Variants in LHFPL5 observed in about 807,000 individuals in gnomAD.
The protein encoded by LHFPL5 is LHFPL tetraspan subfamily member 5 protein.
A neutral mutation model predicts 18.7 loss-of-function variants in LHFPL5; 12 were observed. The observed-to-expected ratio is 0.64, with a 90% CI of 0.41 to 1.04. The LOEUF is 1.04. Ranked by LOEUF, LHFPL5 falls within the 50% of genes least tolerant of loss-of-function variation. LHFPL5 has a pLI of 0.00. For missense variants in LHFPL5, 259 were observed against 292.1 expected (o/e 0.89, Z 0.83); for synonymous variants, 111 against 120.2 (o/e 0.92, Z 0.50).
rs1007579426 is a variant in LHFPL5 at position 35,814,678 on chromosome 6, C to T, written c.545C>T (p.Ala182Val). 6.2e-7 allele frequency: 1 copy of T among 1,614,050 alleles called. No homozygotes were observed. Among genetic ancestry groups the T allele is most frequent in the African/African-American group, 1.3e-5 (1 of 74,918 alleles). ...HCTIRWAFML[A>V]ILSIGDALIL... is the part of the protein sequence containing the mutation. ...ACCATCCGCTGGGCCTTCATGCTGGCCATCCTCAGCATTGGCGACGCCCTC... is the reference window on the plus strand; with the variant it reads ...ACCATCCGCTGGGCCTTCATGCTGGTCATCCTCAGCATTGGCGACGCCCTC... Residue 182 changes from alanine (A) to valine (V), a missense_variant, in exon 2 of 4, where the codon GCC (alanine) becomes GTC (valine). Coordinates refer to ENST00000360215, the MANE Select transcript of LHFPL5 (RefSeq NM_182548.4). This position sits in a 1 kb window ranked among gnomAD's most constrained non-coding sequence, Gnocchi z 4.2.
At position 35,814,239 on chromosome 6, in the gene LHFPL5, GTGAGGAGAATGGC is replaced by G. The variant is rs1405828338; in HGVS notation, c.413-303_413-291del. On this transcript the variant is annotated intron_variant, in intron 1 of 3. Transcript: ENST00000360215. The surrounding 1 kb of genome is among the most constrained non-coding windows in gnomAD (Gnocchi z 4.2). Reference sequence around the variant, plus strand: ...TAGGTGGTGCCTGGTTGAGTCCAAGGTGAGGAGAATGGCTGAAGGCCTGGGAGGACCACCTGGT... The same window carrying G: ...TAGGTGGTGCCTGGTTGAGTCCAAGGTGAAGGCCTGGGAGGACCACCTGGT... 6.6e-6 allele frequency among the ~76,000 whole-genome samples: 1 copy of G among 152,192 alleles called. No individual in the cohort carries two copies. Among genetic ancestry groups the G allele is most frequent in the Non-Finnish European group, 1.5e-5 (1 of 68,040 alleles).
chr6:35,823,475 A>ACTCTCTCTCTCT lies in LHFPL5; in HGVS notation c.*511_*512insTCTCTCTCTCTC, dbSNP rs774401637. 13 of 141,674 alleles carry ACTCTCTCTCTCT rather than the reference A, an allele frequency of 9.2e-5. 1 individual carries two copies. Among genetic ancestry groups the ACTCTCTCTCTCT allele is most frequent in the Middle Eastern group, 3.5e-3 (1 of 288 alleles). The allele number at this position is 141,674 out of a possible 1,614,324, so 8.8% of individuals were successfully genotyped here. On this transcript the variant is annotated 3_prime_UTR_variant, in exon 4 of 4. Transcript: ENST00000360215. Reference sequence around the variant, plus strand: ...CACACACACACACACACACACACACACACTCTCTCTCTCTCTCAAACACAC... The same window carrying ACTCTCTCTCTCT: ...CACACACACACACACACACACACACACTCTCTCTCTCTCACTCTCTCTCTCTCTCAAACACAC...
chr6:35,810,761 A>G (rs1016983967), intron 1 of LHFPL5, among the ~76,000 whole-genome samples: 10 of 149,974 alleles, frequency 6.7e-5, no homozygotes, highest in Non-Finnish European at 1.3e-4. Context: ...CAGGAGGCAG[A>G]GCTTGCAGTG....
chr6:35,808,849 C>G lies in LHFPL5; in HGVS notation c.412+2767C>G, dbSNP rs1768619007. On this transcript the variant is annotated intron_variant, in intron 1 of 3. Transcript: ENST00000360215. ...ACAGGCCATCTGAGTCAGACACTAT[C>G]TGGGTAGAAAAGCTGGAGACACTGA... Among the ~76,000 whole-genome samples, 7 of 151,912 alleles carry G rather than the reference C, an allele frequency of 4.6e-5. No homozygotes were observed. In the South Asian group the frequency reaches 1.5e-3, roughly 32 times the overall value.
At chr6:35,816,695 C>T (rs1487780732) in intron 2 of LHFPL5, among the ~76,000 whole-genome samples, 1 of 151,744 alleles carries the variant, frequency 6.6e-6, no homozygotes, top group African/African-American at 2.4e-5. Flanking sequence ...CCCTGTAATC[C>T]CAGCTACTTG....
intron 1 of LHFPL5, among the ~76,000 whole-genome samples, chr6:35,812,140 A>C (rs1768673776): frequency 6.6e-6 from 1 of 152,236 alleles, no homozygotes; most frequent in Non-Finnish European, 1.5e-5. Flanking sequence ...TTTGTGATCT[A>C]TAAAGAACTA....
At chr6:35,813,792 CTTTTTTTTTT>C (rs1012092184) in intron 1 of LHFPL5, among the ~76,000 whole-genome samples, 1 of 121,538 alleles carries the variant, frequency 8.2e-6, no homozygotes, top group Non-Finnish European at 1.7e-5. Flanking sequence ...TTTCCTTTTC[CTTTTTTTTTT>C]TTTTTTTTTT....
At chr6:35,808,564 CATAT>C (rs56343421) in intron 1 of LHFPL5, among the ~76,000 whole-genome samples, 10,372 of 86,636 alleles carry the variant, frequency 0.12, 522 homozygotes, top group Admixed American at 0.15. Flanking sequence ...TCATTTTATA[CATAT>C]ATATATATAT....
At position 35,814,140 on chromosome 6, in the gene LHFPL5, C is replaced by T. The variant is rs145830706; in HGVS notation, c.413-406C>T. On this transcript the variant is annotated intron_variant, in intron 1 of 3. Coordinates refer to ENST00000360215, the MANE Select transcript of LHFPL5 (RefSeq NM_182548.4). The surrounding 1 kb of genome is among the most constrained non-coding windows in gnomAD (Gnocchi z 4.2). Reference sequence around the variant, plus strand: ...GCTTATTTCACAGATGTTGTAAGTACGAAGAAATGTACATCTCAGCAGTGA... The same window carrying T: ...GCTTATTTCACAGATGTTGTAAGTATGAAGAAATGTACATCTCAGCAGTGA... Among the ~76,000 whole-genome samples the T allele has an allele frequency of 1.7e-3, 258 of 152,270 alleles. 6 individuals carry two copies. The South Asian group carries it at 0.026, about 15-fold the overall frequency.
Position 35,814,919 on chromosome 6 carries a change from T to C in LHFPL5, c.649+137T>C, listed in dbSNP as rs1371294975. 4 of 796,116 alleles carry C rather than the reference T, an allele frequency of 5.0e-6. No individual in the cohort carries two copies. The Admixed American group carries it at 5.7e-5, about 11-fold the overall frequency. 49.3% of individuals were successfully genotyped at this position (796,116 alleles called of 1,614,324 possible). A position where few individuals can be genotyped will look rare whatever the true frequency, so the allele number is the denominator to read the frequency against. On this transcript the variant is annotated intron_variant, in intron 2 of 3. Coordinates refer to ENST00000360215, the MANE Select transcript of LHFPL5 (RefSeq NM_182548.4). The surrounding 1 kb of genome is among the most constrained non-coding windows in gnomAD (Gnocchi z 4.2). ...ACCAAGACTAATCAGACACACCCCT[T>C]GTCCTCCCTGAAATCAAAGGCCAGT...
At chr6:35,809,139 C>T (rs1768623766) in intron 1 of LHFPL5, among the ~76,000 whole-genome samples, 4 of 152,162 alleles carry the variant, frequency 2.6e-5, no homozygotes. Flanking sequence ...ATTAATTGGG[C>T]TTCTGGGTGC....
At chr6:35,815,059 T>A (rs1402785185) in intron 2 of LHFPL5, among the ~76,000 whole-genome samples, 1 of 152,128 alleles carries the variant, frequency 6.6e-6, no homozygotes, top group African/African-American at 2.4e-5. Context: ...CCTTGGGGGC[T>A]AAGTGTGGTC....
At position 35,823,446 on chromosome 6, in the gene LHFPL5, T is replaced by TAA. The variant is rs1554147860; in HGVS notation, c.*482_*483insAA. On this transcript the variant is annotated 3_prime_UTR_variant, in exon 4 of 4. Transcript: ENST00000360215. ...ACACATACATACACACACACATATA[T>TAA]ATACACACACACACACACACACACA... The TAA allele has an allele frequency of 1.3e-5, 1 of 79,574 alleles. No individual in the cohort carries two copies. The allele number at this position is 79,574 out of a possible 1,614,324, so 4.9% of individuals were successfully genotyped here.
At chr6:35,819,630 C>A in intron 3 of LHFPL5, 167 bp downstream of exon 3, 1 of 682,700 alleles carries the variant, frequency 1.5e-6, no homozygotes, top group Admixed American at 2.3e-5. Context: ...GCTATTTGGC[C>A]TCTGAGACCC....
At chr6:35,809,347 G>T (rs1044512093) in intron 1 of LHFPL5, among the ~76,000 whole-genome samples, 2 of 152,134 alleles carry the variant, frequency 1.3e-5, no homozygotes, top group Admixed American at 6.6e-5. Context: ...GAGCCTGGAG[G>T]TCTGAGATCT....
At chr6:35,822,671 C>A (rs1017342066) in intron 3 of LHFPL5, among the ~76,000 whole-genome samples, 3 of 152,068 alleles carry the variant, frequency 2.0e-5, no homozygotes, top group Non-Finnish European at 4.4e-5. Context: ...CCACGCCTGG[C>A]TAATTTTTTG....
rs1768562892 is a variant in LHFPL5, at chr6:35,805,979, G to A, written c.309G>A (p.Leu103=). The change falls in exon 1 of 4, where the codon TTG becomes TTA. Residue 103 remains leucine, a synonymous_variant. Transcript: ENST00000360215. This position sits in a 1 kb window ranked among gnomAD's most constrained non-coding sequence, Gnocchi z 4.3. ...AGACTGCCATGTTCTTTGTGGCCTT[G>A]GGCATGTTCCTCATCATTGGCTCCA... The part of the protein sequence containing the change: ...AFKTAMFFVA[L]GMFLIIGSII... 6.2e-7 allele frequency: 1 copy of A among 1,614,220 alleles called. No individual in the cohort carries two copies. Among genetic ancestry groups the A allele is most frequent in the Non-Finnish European group, 8.5e-7 (1 of 1,180,034 alleles).
In LHFPL5 at chr6:35,805,630, G is replaced by C; in HGVS notation, c.-41G>C. 1 of 1,610,800 alleles carries C rather than the reference G, an allele frequency of 6.2e-7. No individual in the cohort carries two copies. Among genetic ancestry groups the C allele is most frequent in the Non-Finnish European group, 8.5e-7 (1 of 1,177,694 alleles). ...CCTCCATCCACAAAGCTACGGACTT[G>C]CAGCCCACGGGACCCCAGCCCAGGG... On this transcript the variant is annotated 5_prime_UTR_variant, in exon 1 of 4. Transcript: ENST00000360215. This position sits in a 1 kb window ranked among gnomAD's most constrained non-coding sequence, Gnocchi z 4.3.
intron 1 of LHFPL5, among the ~76,000 whole-genome samples, chr6:35,813,085 T>C (rs1768695547): frequency 1.3e-5 from 2 of 152,038 alleles, no homozygotes; most frequent in Admixed American, 1.3e-4. Flanking sequence ...TTAAGTTGCT[T>C]GCTCTGAGTC....
Sources: gnomAD v4.1 joint callset for allele counts (sites outside exome capture counted in the v4.1 genomes callset) on GRCh38, gnomAD v4.1.1 for gene constraint, Gnocchi (gnomAD v3.1) non-coding constraint, MANE v1.5 for transcripts, NCBI Gene and HGNC (gene_info 2026-07-23, HGNC 2026-07-21) for gene names.